Variants in MAGI3 observed in about 807,000 individuals in gnomAD.
The protein encoded by MAGI3 is membrane-associated guanylate kinase, WW and PDZ domain-containing protein 3.
MAGI3 carries 43 observed loss-of-function variants against 121.8 expected under a neutral mutation model. The ratio of observed to expected loss-of-function variants is 0.35; its 90% CI spans 0.28 to 0.46. The LOEUF (loss-of-function observed/expected upper bound fraction) is 0.46. Ranked by LOEUF, MAGI3 falls within the 20% of genes least tolerant of loss-of-function variation. The pLI is 1.00. For synonymous variants in MAGI3, 553 were observed against 639.3 expected, an observed-to-expected ratio of 0.86 and a Z score of 2.04; for missense variants, 1,547 against 1,797.3, an observed-to-expected ratio of 0.86 and a Z score of 2.52.
chr1:113,503,394 GTAAA>G (rs755522770), intron 1 of MAGI3, among the ~76,000 whole-genome samples: 3 of 146,292 alleles, frequency 2.1e-5, no homozygotes, highest in Admixed American at 6.8e-5. Context: ...TCTCAATACT[GTAAA>G]TATTTTTCAA....
At position 113,659,750 on chromosome 1, in the gene MAGI3, A is replaced by G. The variant is rs531116203; in HGVS notation, c.2815+485A>G. 4.6e-5 allele frequency among the ~76,000 whole-genome samples: 7 copies of G among 152,290 alleles called. No homozygotes were observed. The South Asian group carries it at 1.5e-3, about 32-fold the overall frequency. On this transcript the variant is annotated intron_variant, in intron 16 of 20. Transcript: ENST00000307546. ...AAAGGAGTGCGTGGGAATGGCTAGT[A>G]AGTGGGGCATAAAACACATACTGGC...
intron 1 of MAGI3, among the ~76,000 whole-genome samples, chr1:113,526,027 CAT>C (rs1394003248): frequency 1.3e-5 from 2 of 151,900 alleles, no homozygotes; most frequent in African/African-American, 4.8e-5. Context: ...ACAAAACAAA[CAT>C]ATTTTGAGTA....
intron 1 of MAGI3, among the ~76,000 whole-genome samples, chr1:113,413,375 C>G (rs1398743256): frequency 6.6e-6 from 1 of 151,974 alleles, no homozygotes; most frequent in Non-Finnish European, 1.5e-5. Flanking sequence ...TTTTTTGGTT[C>G]CATATAAACT....
At chr1:113,607,730 G>A (rs1649867936) in intron 6 of MAGI3, among the ~76,000 whole-genome samples, 1 of 152,130 alleles carries the variant, frequency 6.6e-6, no homozygotes, top group South Asian at 2.1e-4. Flanking sequence ...AAAAACCTTG[G>A]AGATATTATG....
chr1:113,413,768 G>A (rs1652138277), intron 1 of MAGI3, among the ~76,000 whole-genome samples: 1 of 152,148 alleles, frequency 6.6e-6, no homozygotes, highest in Non-Finnish European at 1.5e-5. Context: ...TCAGCTTAAG[G>A]AGATTTTGGG....
chr1:113,416,465 A>AGT, intron 1 of MAGI3, among the ~76,000 whole-genome samples: 1 of 11,168 alleles, frequency 9.0e-5, no homozygotes, highest in East Asian at 0.019. Flanking sequence ...TTAATTATAT[A>AGT]TAATTTATAA....
chr1:113,463,925 T>A (rs1655152476), intron 1 of MAGI3, among the ~76,000 whole-genome samples: 1 of 152,086 alleles, frequency 6.6e-6, no homozygotes, highest in Non-Finnish European at 1.5e-5. Flanking sequence ...GAAAATATAT[T>A]CCTATAACTT....
intron 11 of MAGI3, among the ~76,000 whole-genome samples, chr1:113,645,958 A>G (rs543044446): frequency 2.0e-5 from 3 of 152,286 alleles, no homozygotes; most frequent in Non-Finnish European, 2.9e-5. Context: ...CTCTTAATAT[A>G]TGTGAATTGG....
intron 4 of MAGI3, among the ~76,000 whole-genome samples, chr1:113,589,793 TAG>T (rs1648585553): frequency 6.6e-6 from 1 of 152,076 alleles, no homozygotes; most frequent in Non-Finnish European, 1.5e-5. Context: ...GTGAACTCCC[TAG>T]ACAGTACCCA....
chr1:113,476,025 G>A (rs1006791326), intron 1 of MAGI3, among the ~76,000 whole-genome samples: 1 of 152,090 alleles, frequency 6.6e-6, no homozygotes, highest in African/African-American at 2.4e-5. Context: ...AGAGGTGTTT[G>A]TAGTATTCTC....
At chr1:113,559,183 G>T (rs1163423210) in intron 2 of MAGI3, among the ~76,000 whole-genome samples, 1 of 152,142 alleles carries the variant, frequency 6.6e-6, no homozygotes, top group East Asian at 1.9e-4. Flanking sequence ...ATGATGACAG[G>T]ATCAAATCCA....
intron 1 of MAGI3, among the ~76,000 whole-genome samples, chr1:113,531,626 C>G (rs1165716345): frequency 6.7e-6 from 1 of 148,848 alleles, no homozygotes; most frequent in East Asian, 2.0e-4. Flanking sequence ...ATTTCTTTTT[C>G]TATAAAATGC....
intron 6 of MAGI3, among the ~76,000 whole-genome samples, chr1:113,599,821 A>C (rs1649253924): frequency 6.6e-6 from 1 of 152,096 alleles, no homozygotes; most frequent in South Asian, 2.1e-4. Context: ...AAAAATCCTC[A>C]ATAAAATACT....
chr1:113,601,172 T>C (rs896489054), intron 6 of MAGI3, among the ~76,000 whole-genome samples: 8 of 151,870 alleles, frequency 5.3e-5, no homozygotes, highest in Non-Finnish European at 1.2e-4. Flanking sequence ...AAGGACTTCA[T>C]GTCTAAAACA....
At chr1:113,632,658 G>A (rs1043618414) in intron 9 of MAGI3, among the ~76,000 whole-genome samples, 2 of 152,146 alleles carry the variant, frequency 1.3e-5, no homozygotes, top group African/African-American at 4.8e-5. Flanking sequence ...GATTTATTAA[G>A]CTGCCTTGTC....
At chr1:113,493,405 A>G (rs1295698290) in intron 1 of MAGI3, among the ~76,000 whole-genome samples, 1 of 152,216 alleles carries the variant, frequency 6.6e-6, no homozygotes, top group Non-Finnish European at 1.5e-5. Context: ...AAAGACTTTA[A>G]AATCCCAAAC....
chr1:113,678,530 GTTTAAAATAAGT>G (rs1405556591), intron 19 of MAGI3, among the ~76,000 whole-genome samples: 2 of 152,112 alleles, frequency 1.3e-5, no homozygotes, highest in East Asian at 3.8e-4. Flanking sequence ...AGCCTCCCTT[GTTTAAAATAAGT>G]ATGCAATAAG....
chr1:113,454,490 T>A (rs1654647478), intron 1 of MAGI3, among the ~76,000 whole-genome samples: 2 of 152,148 alleles, frequency 1.3e-5, no homozygotes, highest in African/African-American at 4.8e-5. Flanking sequence ...TACACAGAAT[T>A]TCTTTTATTT....
chr1:113,683,581 G>T lies in MAGI3; in HGVS notation c.4013G>T (p.Arg1338Met), dbSNP rs1437314470. ...PDGKEKSDVI[R>M]KDAKQNQLEK... ...GGGAAGGAAAAATCAGACGTCATCA[G>T]GAAAGATGCAAAGCAGAATCAGTTG... The change falls in exon 21 of 21, where the codon AGG becomes ATG. Residue 1338 changes from arginine to methionine, a missense_variant. By Grantham distance (91) the Arg-to-Met change is moderately conservative. Transcript: ENST00000307546. The T allele has an allele frequency of 6.2e-7, 1 of 1,613,820 alleles. No individual in the cohort carries two copies. Among genetic ancestry groups the T allele is most frequent in the Non-Finnish European group, 8.5e-7 (1 of 1,179,884 alleles).
Sources: gnomAD v4.1 joint callset for allele counts (sites outside exome capture counted in the v4.1 genomes callset) on GRCh38, gnomAD v4.1.1 for gene constraint, MANE v1.5 for transcripts, NCBI Gene and HGNC (gene_info 2026-07-23, HGNC 2026-07-21) for gene names.